Variants in EPHA3 observed in about 807,000 individuals in gnomAD.
EPHA3 encodes the protein EPH receptor A3.
Under a neutral mutation model 107.1 loss-of-function variants are expected in EPHA3, and 42 were observed. The ratio of observed to expected loss-of-function variants is 0.39; its 90% CI spans 0.31 to 0.51. EPHA3 has a LOEUF of 0.51. Ranked by LOEUF, EPHA3 falls within the 20% of genes least tolerant of loss-of-function variation. The pLI, the probability that EPHA3 is intolerant of heterozygous loss-of-function variation, is 0.78. For missense variants in EPHA3, 1,183 were observed against 1,211.2 expected (o/e 0.98, Z 0.35); for synonymous variants, 461 against 424.8 (o/e 1.09, Z -1.05).
intron 2 of EPHA3, among the ~76,000 whole-genome samples, chr3:89,144,693 G>C (rs1704497772): frequency 6.6e-6 from 1 of 151,640 alleles, no homozygotes; most frequent in Non-Finnish European, 1.5e-5. Context: ...TAAATGGAGT[G>C]CTGAATACTA....
rs776692685 is a variant in EPHA3 at position 89,431,206 on chromosome 3, A to C, written c.2193A>C (p.Ala731=). The C allele has an allele frequency of 4.2e-5, 68 of 1,613,824 alleles. No homozygotes were observed. Among genetic ancestry groups the C allele is most frequent in the Non-Finnish European group, 5.6e-5 (66 of 1,179,946 alleles). The change falls in exon 13 of 17, where the codon GCA becomes GCC. Residue 731 remains alanine, a synonymous_variant. Coordinates refer to ENST00000336596, the MANE Select transcript of EPHA3 (RefSeq NM_005233.6). Reference sequence around the variant, plus strand: ...TAGTGGGGATGCTTCGAGGGATAGCATCTGGCATGAAGTACCTGTCAGACA... The same window carrying C: ...TAGTGGGGATGCTTCGAGGGATAGCCTCTGGCATGAAGTACCTGTCAGACA... ...IQLVGMLRGI[A]SGMKYLSDMG...
chr3:89,429,407 CT>C (rs1709519291), intron 12 of EPHA3, among the ~76,000 whole-genome samples: 1 of 151,972 alleles, frequency 6.6e-6, no homozygotes, highest in African/African-American at 2.4e-5. Flanking sequence ...TCTTTTTATA[CT>C]GCCAAGATTC....
chr3:89,227,545 A>G lies in EPHA3; in HGVS notation c.814+17025A>G, dbSNP rs576806134. ...GTTTAACACATTATGGAAAACATGT[A>G]TAAGTCATGGTATAAATGTAAATCC... On this transcript the variant is annotated intron_variant, in intron 3 of 16. Coordinates refer to ENST00000336596, the MANE Select transcript of EPHA3 (RefSeq NM_005233.6). 4.0e-4 allele frequency among the ~76,000 whole-genome samples: 61 copies of G among 152,118 alleles called. 1 individual carries two copies. Among genetic ancestry groups the G allele is most frequent in the Admixed American group, 9.2e-4 (14 of 15,258 alleles).
chr3:89,388,463 A>C (rs961642938), intron 5 of EPHA3, among the ~76,000 whole-genome samples: 2 of 152,186 alleles, frequency 1.3e-5, no homozygotes, highest in African/African-American at 4.8e-5. Flanking sequence ...ACTCAGGAGA[A>C]ACTTTATGAG....
intron 2 of EPHA3, among the ~76,000 whole-genome samples, chr3:89,193,187 A>G (rs1312766694): frequency 1.3e-5 from 2 of 151,972 alleles, no homozygotes; most frequent in Admixed American, 6.6e-5. Flanking sequence ...AAATCATTTG[A>G]GATGCCACCC....
chr3:89,271,128 TC>T (rs1705658165), intron 3 of EPHA3, among the ~76,000 whole-genome samples: 1 of 152,076 alleles, frequency 6.6e-6, no homozygotes, highest in South Asian at 2.1e-4. Context: ...ATGTTCTGCT[TC>T]AGCATTGAGA....
rs80190641 is a variant in EPHA3 at position 89,353,259 on chromosome 3, A to G, written c.1306+11169A>G. ...CCTTGGAAGTAAATTAAACACCAAA[A>G]GGATCTACATGAATTCTTTCAGAAC... On this transcript the variant is annotated intron_variant, in intron 5 of 16. Transcript: ENST00000336596. Among the ~76,000 whole-genome samples the G allele has an allele frequency of 3.0e-3, 453 of 151,522 alleles. 25 individuals carry two copies. The East Asian group carries it at 0.041, about 14-fold the overall frequency.
chr3:89,269,648 C>T (rs1368985683), intron 3 of EPHA3, among the ~76,000 whole-genome samples: 1 of 150,036 alleles, frequency 6.7e-6, no homozygotes, highest in Admixed American at 6.7e-5. Flanking sequence ...TACATGTGCA[C>T]ATTGTGCAGG....
At chr3:89,191,309 T>G (rs1705711233) in intron 2 of EPHA3, among the ~76,000 whole-genome samples, 1 of 151,524 alleles carries the variant, frequency 6.6e-6, no homozygotes, top group African/African-American at 2.4e-5. Context: ...ATTTTTTTTA[T>G]TTTTTTATTT....
chr3:89,251,300 C>G (rs1244283973), intron 3 of EPHA3, among the ~76,000 whole-genome samples: 1 of 151,818 alleles, frequency 6.6e-6, no homozygotes, highest in Non-Finnish European at 1.5e-5. Context: ...AATCACCTAC[C>G]TGGGGGATTT....
chr3:89,341,586 C>G (rs187679358), intron 4 of EPHA3, among the ~76,000 whole-genome samples, 169 bp from the exon 5 acceptor site: 58 of 152,220 alleles, frequency 3.8e-4, no homozygotes, highest in African/African-American at 1.4e-3. Flanking sequence ...AGACAGTGTT[C>G]TTGAATCCAT....
At chr3:89,142,132 A>G (rs1465340873) in intron 2 of EPHA3, among the ~76,000 whole-genome samples, 2 of 151,430 alleles carry the variant, frequency 1.3e-5, no homozygotes, top group African/African-American at 4.8e-5. Context: ...TACTCATGAC[A>G]TTTGGTTGAC....
chr3:89,156,186 T>C (rs766322307), intron 2 of EPHA3, among the ~76,000 whole-genome samples: 5 of 152,044 alleles, frequency 3.3e-5, no homozygotes, highest in Non-Finnish European at 4.4e-5. Flanking sequence ...TGGTGGACTT[T>C]TCAGAGTAGA....
chr3:89,234,667 T>C (rs1278562158), intron 3 of EPHA3, among the ~76,000 whole-genome samples: 1 of 151,930 alleles, frequency 6.6e-6, no homozygotes, highest in Admixed American at 6.6e-5. Context: ...TATTTCTTCC[T>C]TTCTTCCTTT....
chr3:89,327,982 C>T (rs1237944337), intron 3 of EPHA3, among the ~76,000 whole-genome samples: 1 of 151,794 alleles, frequency 6.6e-6, no homozygotes, highest in Non-Finnish European at 1.5e-5. Flanking sequence ...CCTGTAATCC[C>T]AGCTATTTAG....
intron 3 of EPHA3, among the ~76,000 whole-genome samples, chr3:89,316,447 G>A (rs888790818): frequency 6.7e-6 from 1 of 148,740 alleles, no homozygotes; most frequent in African/African-American, 2.5e-5. Flanking sequence ...GTACAATACA[G>A]AGGTCTTTCA....
intron 3 of EPHA3, among the ~76,000 whole-genome samples, chr3:89,329,598 T>C (rs1359418617): frequency 6.6e-6 from 1 of 152,156 alleles, no homozygotes; most frequent in Non-Finnish European, 1.5e-5. Flanking sequence ...ATTCCTTTTA[T>C]TGCAATTCAT....
intron 3 of EPHA3, among the ~76,000 whole-genome samples, chr3:89,254,163 T>C (rs1368577263): frequency 6.6e-6 from 1 of 152,176 alleles, no homozygotes; most frequent in African/African-American, 2.4e-5. Flanking sequence ...TAGACTCTTA[T>C]ACTTAGTAAC....
intron 5 of EPHA3, among the ~76,000 whole-genome samples, chr3:89,394,385 C>A (rs1023197952): frequency 6.6e-6 from 1 of 152,136 alleles, no homozygotes; most frequent in Non-Finnish European, 1.5e-5. Context: ...AAGGGCAAAA[C>A]CCTGTCTTAA....
Sources: gnomAD v4.1 joint callset for allele counts (sites outside exome capture counted in the v4.1 genomes callset) on GRCh38, gnomAD v4.1.1 for gene constraint, MANE v1.5 for transcripts, NCBI Gene and HGNC (gene_info 2026-07-23, HGNC 2026-07-21) for gene names.